CCDC17: variants seen among roughly 807,000 people sequenced by gnomAD.
CCDC17 encodes coiled-coil domain containing 17.
In CCDC17, 79 loss-of-function variants were observed where a neutral mutation model predicts 68.0. The observed-to-expected ratio is 1.16, with a 90% CI of 0.97 to 1.40. The LOEUF (loss-of-function observed/expected upper bound fraction) is 1.40, where lower values mean the gene tolerates loss of function less well. Among genes scored for constraint, CCDC17 ranks in the 40% most tolerant of loss-of-function variants. CCDC17 has a pLI of 0.00. For missense variants in CCDC17, 846 were observed against 811.5 expected (o/e 1.04, Z -0.52); for synonymous variants, 376 against 337.5 (o/e 1.11, Z -1.25).
Position 45,623,451 on chromosome 1 carries a change from AGCGATCC to A in CCDC17, c.271-19_271-13del. ...CGCAGCCACTGCACCTGGAGGTAACAGCGATCCGCGATCTCTGCGTGGGCAGAATCTG... is the reference window on the plus strand; with the variant it reads ...CGCAGCCACTGCACCTGGAGGTAACAGCGATCTCTGCGTGGGCAGAATCTG... On this transcript the variant is annotated splice_polypyrimidine_tract_variant and intron_variant, in intron 2 of 12. Transcript: ENST00000528266. 1 of 1,550,120 alleles carries A rather than the reference AGCGATCC, an allele frequency of 6.5e-7. No individual in the cohort carries two copies. Among genetic ancestry groups the A allele is most frequent in the South Asian group, 1.2e-5 (1 of 84,062 alleles).
In CCDC17 at chr1:45,620,946, A is replaced by G; in HGVS notation, c.1556T>C (p.Leu519Pro). The G allele has an allele frequency of 6.2e-7, 1 of 1,613,932 alleles. No individual in the cohort carries two copies. The highest frequency in any genetic ancestry group is 1.1e-5 in the South Asian group (1 of 91,052). Residue 519 changes from leucine to proline, a missense_variant, in exon 11 of 13, where the codon CTG becomes CCG. Transcript: ENST00000528266. ...CTGCCCAAGGCTAAGGCTGGGGTCCAGAGGAAGGGCCCGAAGTGGGAGGCG... is the reference window on the plus strand; with the variant it reads ...CTGCCCAAGGCTAAGGCTGGGGTCCGGAGGAAGGGCCCGAAGTGGGAGGCG... The part of the protein sequence containing the change: ...RWRLPLRALP[L>P]DPSLSLGQLN...
Position 45,620,158 on chromosome 1 carries a change from T to TCAACTGCTAGATGCTTCTAGAC in CCDC17, c.*95_*116dup. The TCAACTGCTAGATGCTTCTAGAC allele has an allele frequency of 2.5e-6, 3 of 1,206,158 alleles. No homozygotes were observed. Among genetic ancestry groups the TCAACTGCTAGATGCTTCTAGAC allele is most frequent in the Non-Finnish European group, 3.4e-6 (3 of 885,694 alleles). 74.7% of individuals were successfully genotyped at this position (1,206,158 alleles called of 1,614,324 possible). ...TGTGGTTGGAACTGGTTTTCTGTAC[T>TCAACTGCTAGATGCTTCTAGAC]CAACTGCTAGATGCTTCTAGACCCA... On this transcript the variant is annotated 3_prime_UTR_variant, in exon 13 of 13. Transcript: ENST00000528266.
chr1:45,621,106 G>A lies in CCDC17; in HGVS notation c.1396C>T (p.Pro466Ser). The A allele has an allele frequency of 6.2e-7, 1 of 1,613,662 alleles. No individual in the cohort carries two copies. Among genetic ancestry groups the A allele is most frequent in the Non-Finnish European group, 8.5e-7 (1 of 1,179,730 alleles). Residue 466 changes from proline (P) to serine (S), a missense_variant, in exon 11 of 13, where the codon CCC becomes TCC. Transcript: ENST00000528266. ...CAGACCAAAGATACTGATGATGAGG[G>A]TGGTAGTCTGTAGAATAACCAAAAA... ...ASRQPVPRLP[P>S]SSSVSLVCEL...
chr1:45,622,085 G>A, intron 7 of CCDC17, 90 bp from the exon 8 acceptor site: 1 of 1,398,062 alleles, frequency 7.2e-7, no homozygotes, highest in East Asian at 2.5e-5. Context: ...GCCCACAAAT[G>A]GGTTGGCGGA....
chr1:45,621,566 G>C, intron 9 of CCDC17, 72 bp downstream of exon 9: 1 of 1,587,758 alleles, frequency 6.3e-7, no homozygotes, highest in Non-Finnish European at 8.6e-7. Flanking sequence ...ACCCTATCTG[G>C]TCCTAGTGGG....
At position 45,623,826 on chromosome 1, in the gene CCDC17, G is replaced by A; in HGVS notation, c.84C>T (p.Thr28=). Residue 28 remains threonine, a synonymous_variant, in exon 1 of 13, where the codon ACC becomes ACT. Transcript: ENST00000528266. ...GGCCAATGCAGAAGCGCTGAGTATGGGTGGCTAACAGAGCTGAGGAGCGGA... is the reference window on the plus strand; with the variant it reads ...GGCCAATGCAGAAGCGCTGAGTATGAGTGGCTAACAGAGCTGAGGAGCGGA... ...MVFRSSALLA[T]HTQRFCIGHP... 6.4e-7 allele frequency: 1 copy of A among 1,551,574 alleles called. No homozygotes were observed. Among genetic ancestry groups the A allele is most frequent in the Non-Finnish European group, 8.7e-7 (1 of 1,146,878 alleles).
Position 45,620,178 on chromosome 1 carries a change from GACCCA to G in CCDC17, c.*92_*96del, listed in dbSNP as rs1451636038. Reference sequence around the variant, plus strand: ...TGTACTCAACTGCTAGATGCTTCTAGACCCAATGTCAGAACATGGAGTAGTAAACC... The same window carrying G: ...TGTACTCAACTGCTAGATGCTTCTAGATGTCAGAACATGGAGTAGTAAACC... On this transcript the variant is annotated 3_prime_UTR_variant, in exon 13 of 13. Coordinates refer to ENST00000528266, the MANE Select transcript of CCDC17 (RefSeq NM_001114938.3). 1.2e-5 allele frequency: 17 copies of G among 1,382,832 alleles called. No homozygotes were observed. The highest frequency in any genetic ancestry group is 1.5e-5 in the African/African-American group (1 of 67,604). 85.7% of individuals were successfully genotyped at this position (1,382,832 alleles called of 1,614,324 possible). A position where few individuals can be genotyped will look rare whatever the true frequency, so the allele number is the denominator to read the frequency against.
In CCDC17 at chr1:45,623,247, G is replaced by A; in HGVS notation, c.463C>T (p.Gln155Ter). 3 of 1,545,558 alleles carry A rather than the reference G, an allele frequency of 1.9e-6. No homozygotes were observed. Among genetic ancestry groups the A allele is most frequent in the Non-Finnish European group, 2.6e-6 (3 of 1,146,228 alleles). ...RARRVAEMEA[Q>*]SRALQLRGEE... ...CCGCGTAGCTGCAGGGCCCGGCTCT[G>A]CGCTTCCATCTCCGCCACGCGCCTC... is the stretch of plus-strand genomic sequence containing the variant. Residue 155 changes from glutamine to a stop codon, truncating the protein, a stop_gained, in exon 3 of 13, where the codon CAG (glutamine) becomes TAG (stop). Transcript: ENST00000528266. LOFTEE classifies it high-confidence loss of function.
Position 45,622,550 on chromosome 1 carries a change from T to G in CCDC17, c.858A>C (p.Arg286Ser). The G allele has an allele frequency of 1.3e-6, 2 of 1,551,578 alleles. No homozygotes were observed. Among genetic ancestry groups the G allele is most frequent in the Non-Finnish European group, 1.7e-6 (2 of 1,147,106 alleles). Reference protein sequence around the residue: ...ALELQRSQTRRGRAGATSGEL... With the variant: ...ALELQRSQTRSGRAGATSGEL... The stretch of plus-strand genomic sequence containing the variant: ...CTGGCGAGAGGCCCTCCTGTTCACC[T>G]CTGCGGGTCTGCGACCGCTGCAGCT... Residue 286 changes from arginine (R) to serine (S), a missense_variant and splice_region_variant, in exon 6 of 13, where the codon AGA becomes AGC. Coordinates refer to ENST00000528266, the MANE Select transcript of CCDC17 (RefSeq NM_001114938.3).
At chr1:45,621,847 C>T (rs1231384051) in intron 8 of CCDC17, 30 bp downstream of exon 8, 1 of 1,595,072 alleles carries the variant, frequency 6.3e-7, no homozygotes, top group South Asian at 1.1e-5. Context: ...CCCGTGTCCT[C>T]ACAGCCTTTG....
At position 45,622,952 on chromosome 1, in the gene CCDC17, C is replaced by T. The variant is rs1355131867; in HGVS notation, c.656+3G>A. ...TCCGGGGATCCGCTTAGTCGGGTCT[C>T]ACCCTGGCTCCGCCTGCAGCTCCTG... On this transcript the variant is annotated splice_donor_region_variant and intron_variant, in intron 4 of 12. Transcript: ENST00000528266. 2.5e-6 allele frequency: 4 copies of T among 1,597,122 alleles called. No homozygotes were observed. The highest frequency in any genetic ancestry group is 3.4e-6 in the Non-Finnish European group (4 of 1,170,980).
Position 45,622,635 on chromosome 1 carries a change from C to G in CCDC17, c.773G>C (p.Gly258Ala), listed in dbSNP as rs914945113. 7.7e-6 allele frequency: 12 copies of G among 1,556,172 alleles called. No homozygotes were observed. In the African/African-American group the frequency reaches 1.4e-4, roughly 18 times the overall value. The change falls in exon 6 of 13, where the codon GGC (glycine) becomes GCC (alanine). Residue 258 changes from glycine to alanine, a missense_variant. By Grantham distance (60) the Gly-to-Ala change is moderately conservative. Coordinates refer to ENST00000528266, the MANE Select transcript of CCDC17 (RefSeq NM_001114938.3). Reference sequence around the variant, plus strand: ...CTGGCCCAGCACGCCGGGGTCCCGGCCCCCGTCTCGAATGTAGGCCTCCCG... The same window carrying G: ...CTGGCCCAGCACGCCGGGGTCCCGGGCCCCGTCTCGAATGTAGGCCTCCCG... ...ALREAYIRDGGRDPGVLGQIW... is the reference protein window; with the variant it reads ...ALREAYIRDGARDPGVLGQIW...
chr1:45,621,788 C>T, intron 8 of CCDC17, 53 bp from the exon 9 acceptor site: 1 of 1,605,718 alleles, frequency 6.2e-7, no homozygotes, highest in Non-Finnish European at 8.5e-7. Context: ...GCTCATGTTC[C>T]CCCAACTGCT....
intron 5 of CCDC17, 27 bp downstream of exon 5, chr1:45,622,724 A>T (rs374360908): frequency 6.4e-7 from 1 of 1,567,134 alleles, no homozygotes; most frequent in African/African-American, 1.4e-5. Context: ...GCTTCGCCCT[A>T]TGCCCATCTC....
rs1157463970 is a variant in CCDC17, at chr1:45,622,854, G to A, written c.657-20C>T. The A allele has an allele frequency of 1.3e-6, 2 of 1,583,890 alleles. No individual in the cohort carries two copies. Among genetic ancestry groups the A allele is most frequent in the Admixed American group, 1.8e-5 (1 of 55,724 alleles). ...GGGTTCCTGGGGTGGCAGGCGACGC[G>A]CAGGGAGACGGTAACGCATCAGAGG... On this transcript the variant is annotated intron_variant, in intron 4 of 12. Coordinates refer to ENST00000528266, the MANE Select transcript of CCDC17 (RefSeq NM_001114938.3).
At position 45,620,941 on chromosome 1, in the gene CCDC17, G is replaced by T; in HGVS notation, c.1561C>A (p.Pro521Thr). The T allele has an allele frequency of 1.2e-6, 2 of 1,613,878 alleles. No homozygotes were observed. Among genetic ancestry groups the T allele is most frequent in the Admixed American group, 1.7e-5 (1 of 59,990 alleles). Reference protein sequence around the residue: ...RLPLRALPLDPSLSLGQLNGI... With the variant: ...RLPLRALPLDTSLSLGQLNGI... The stretch of plus-strand genomic sequence containing the variant: ...TTCAGCTGCCCAAGGCTAAGGCTGG[G>T]GTCCAGAGGAAGGGCCCGAAGTGGG... The change falls in exon 11 of 13, where the codon CCC becomes ACC. Residue 521 changes from proline (P) to threonine (T), a missense_variant. By Grantham distance (38) the Pro-to-Thr change is conservative. Transcript: ENST00000528266.
At position 45,621,328 on chromosome 1, in the gene CCDC17, C is replaced by T; in HGVS notation, c.1341G>A (p.Gly447=). The T allele has an allele frequency of 3.1e-6, 5 of 1,588,864 alleles. No individual in the cohort carries two copies. Among genetic ancestry groups the T allele is most frequent in the Non-Finnish European group, 4.3e-6 (5 of 1,167,594 alleles). Residue 447 remains glycine, a synonymous_variant, in exon 10 of 13, where the codon GGG becomes GGA. Coordinates refer to ENST00000528266, the MANE Select transcript of CCDC17 (RefSeq NM_001114938.3). ...CAAGGATGGCACAGTTGCCCATGGG[C>T]CCGGGAGCAGGAGGTGGGGGCAGGC... ...ALCLPPPPAP[G]PMGNCAILAS...
At chr1:45,622,027 T>C in intron 7 of CCDC17, 32 bp from the exon 8 acceptor site, 1 of 1,569,462 alleles carries the variant, frequency 6.4e-7, no homozygotes, top group Non-Finnish European at 8.6e-7. Flanking sequence ...TGCCCCTAAG[T>C]TGGACAAAGC....
chr1:45,622,462 A>G, intron 6 of CCDC17, 87 bp downstream of exon 6: 2 of 1,475,120 alleles, frequency 1.4e-6, no homozygotes, highest in Non-Finnish European at 1.8e-6. Flanking sequence ...TTGTCAGCTC[A>G]CATGCCATCC....
Sources: allele counts gnomAD v4.1 joint callset, GRCh38; gene constraint gnomAD v4.1.1; transcripts MANE v1.5; gene names NCBI Gene and HGNC (gene_info 2026-07-23, HGNC 2026-07-21).